EXOC6B: variants seen among roughly 807,000 people sequenced by gnomAD.
EXOC6B encodes the protein exocyst complex component 6B, also known as SEC15 homolog B.
A neutral mutation model predicts 113.5 loss-of-function variants in EXOC6B; 54 were observed. That is an observed-to-expected ratio of 0.48 (90% CI 0.38 to 0.60). The LOEUF (loss-of-function observed/expected upper bound fraction) is 0.60. EXOC6B is among the 20% of genes least tolerant of loss of function. The pLI, the probability that EXOC6B is intolerant of heterozygous loss-of-function variation, is 0.00. For missense variants in EXOC6B, 797 were observed against 977.5 expected (o/e 0.82, Z 2.46); for synonymous variants, 357 against 339.0 (o/e 1.05, Z -0.58).
At chr2:72,278,844 C>T (rs1013132230) in intron 20 of EXOC6B, among the ~76,000 whole-genome samples, 1 of 152,086 alleles carries the variant, frequency 6.6e-6, no homozygotes, top group Non-Finnish European at 1.5e-5. Flanking sequence ...AGAAATGTAT[C>T]GACTTTGCAA....
intron 6 of EXOC6B, among the ~76,000 whole-genome samples, chr2:72,685,081 A>C (rs1424691146): frequency 6.6e-6 from 1 of 152,190 alleles, no homozygotes; most frequent in Non-Finnish European, 1.5e-5. Context: ...TCACTTTAAA[A>C]TGCATAAATA....
In EXOC6B at chr2:72,177,205, A is replaced by C. The variant is rs1677785726; in HGVS notation, c.*2130T>G. On this transcript the variant is annotated 3_prime_UTR_variant, in exon 22 of 22. Transcript: ENST00000272427. ...TGTGCAGAATAACCCCTATTCCTCC[A>C]CCTTGTTCACTTTTTCCTGTATAGC... is the stretch of plus-strand genomic sequence containing the variant. The C allele has an allele frequency of 6.6e-6, 1 of 152,024 alleles. No individual in the cohort carries two copies. Among genetic ancestry groups the C allele is most frequent in the African/African-American group, 2.4e-5 (1 of 41,380 alleles). 9.4% of individuals were successfully genotyped at this position (152,024 alleles called of 1,614,324 possible). A position where few individuals can be genotyped will look rare whatever the true frequency, so the allele number is the denominator to read the frequency against.
In EXOC6B at chr2:72,512,387, GGAAGGA is replaced by G. The variant is rs1558748663; in HGVS notation, c.1167+739_1167+744del. ...AGGAAAGAAGGAAGGAAGGAAGGAA[GGAAGGA>G]AGGAAGGAAGGAAGGAAGGAAGGAA... On this transcript the variant is annotated intron_variant, in intron 11 of 21. Transcript: ENST00000272427. 2.4e-4 allele frequency among the ~76,000 whole-genome samples: 21 copies of G among 85,804 alleles called. 3 individuals carry two copies. Among genetic ancestry groups the G allele is most frequent in the African/African-American group, 9.3e-4 (21 of 22,626 alleles). The allele number at this position is 85,804 out of a possible 152,430, so 56.3% of individuals were successfully genotyped here.
intron 19 of EXOC6B, among the ~76,000 whole-genome samples, chr2:72,357,705 G>T (rs1572963514): frequency 6.6e-6 from 1 of 151,466 alleles, no homozygotes; most frequent in African/African-American, 2.4e-5. Context: ...AAAAAAAGAT[G>T]ATAATGGAAC....
chr2:72,407,160 A>G (rs577273178), intron 18 of EXOC6B, among the ~76,000 whole-genome samples: 55 of 152,298 alleles, frequency 3.6e-4, no homozygotes, highest in African/African-American at 1.2e-3. Flanking sequence ...CCAAGACTAA[A>G]CCAGGAAGAA....
intron 1 of EXOC6B, among the ~76,000 whole-genome samples, chr2:72,815,473 G>C (rs1394342319): frequency 6.7e-6 from 1 of 149,440 alleles, no homozygotes; most frequent in Admixed American, 6.7e-5. Context: ...CAGGACAAGA[G>C]AGGGAGAGAC....
At position 72,679,843 on chromosome 2, in the gene EXOC6B, G is replaced by A. The variant is rs530925606; in HGVS notation, c.669+38260C>T. Among the ~76,000 whole-genome samples, 23 of 152,322 alleles carry A rather than the reference G, an allele frequency of 1.5e-4. 2 individuals carry two copies. The highest frequency in any genetic ancestry group is 4.6e-4 in the African/African-American group (19 of 41,574). On this transcript the variant is annotated intron_variant, in intron 6 of 21. Transcript: ENST00000272427. ...GGTATTAGCAATGGTGACCAGTCAAGGGAAGGCTGCACGGATTAGAGGTTA... is the reference window on the plus strand; with the variant it reads ...GGTATTAGCAATGGTGACCAGTCAAAGGAAGGCTGCACGGATTAGAGGTTA...
intron 8 of EXOC6B, among the ~76,000 whole-genome samples, chr2:72,546,189 C>CT (rs1702889602): frequency 6.6e-6 from 1 of 152,222 alleles, no homozygotes; most frequent in South Asian, 2.1e-4. Context: ...TGGCTCTCAT[C>CT]TGTAATCCCA....
intron 1 of EXOC6B, among the ~76,000 whole-genome samples, chr2:72,807,394 A>G (rs1472958666): frequency 6.6e-6 from 1 of 152,136 alleles, no homozygotes; most frequent in Non-Finnish European, 1.5e-5. Flanking sequence ...CTGTTTTGGT[A>G]CCAGTACCAT....
chr2:72,718,082 T>C (rs1310163700), intron 6 of EXOC6B, 21 bp downstream of exon 6: 1 of 1,575,248 alleles, frequency 6.3e-7, no homozygotes, highest in Admixed American at 1.8e-5. Context: ...CTGGCCAACC[T>C]ATCATAAACC....
intron 20 of EXOC6B, among the ~76,000 whole-genome samples, chr2:72,270,803 T>G (rs1237230275): frequency 6.6e-6 from 1 of 152,144 alleles, no homozygotes; most frequent in African/African-American, 2.4e-5. Flanking sequence ...AAAATTATGA[T>G]GATCAGAAAA....
intron 17 of EXOC6B, among the ~76,000 whole-genome samples, chr2:72,477,566 C>A (rs1336555881): frequency 1.3e-5 from 2 of 152,176 alleles, no homozygotes; most frequent in Non-Finnish European, 1.5e-5. Flanking sequence ...ACATAAAAAC[C>A]AGTATCACAT....
chr2:72,372,486 A>G (rs552405418), intron 19 of EXOC6B, among the ~76,000 whole-genome samples: 1 of 152,328 alleles, frequency 6.6e-6, no homozygotes, highest in African/African-American at 2.4e-5. Context: ...GACCAATGGA[A>G]CAGAATAGAG....
At chr2:72,697,155 G>A (rs185425988) in intron 6 of EXOC6B, among the ~76,000 whole-genome samples, 17 of 151,026 alleles carry the variant, frequency 1.1e-4, no homozygotes, top group African/African-American at 3.7e-4. Context: ...TATAGATATG[G>A]GGTATACACA....
intron 20 of EXOC6B, among the ~76,000 whole-genome samples, chr2:72,224,450 G>A (rs2104440446): frequency 6.6e-6 from 1 of 151,822 alleles, no homozygotes; most frequent in Non-Finnish European, 1.5e-5. Context: ...CAATTCTCAG[G>A]AAAAAAATTT....
chr2:72,617,957 CTCTTAGTTGTTCAGTAAGACA>C (rs985378728), intron 6 of EXOC6B, among the ~76,000 whole-genome samples: 3 of 152,082 alleles, frequency 2.0e-5, no homozygotes, highest in Non-Finnish European at 4.4e-5. Flanking sequence ...CTATGATTGC[CTCTTAGTTGTTCAGTAAGACA>C]TCTTAGTTGT....
intron 13 of EXOC6B, among the ~76,000 whole-genome samples, chr2:72,496,833 A>G (rs1471721785): frequency 6.6e-6 from 1 of 151,958 alleles, no homozygotes; most frequent in Admixed American, 6.6e-5. Flanking sequence ...AGGAACTGAG[A>G]TTTACAAATA....
At chr2:72,361,888 G>A (rs2104986154) in intron 19 of EXOC6B, among the ~76,000 whole-genome samples, 1 of 152,212 alleles carries the variant, frequency 6.6e-6, no homozygotes, top group Middle Eastern at 3.4e-3. Context: ...AATTCTCCAG[G>A]GATGATGTGA....
intron 6 of EXOC6B, among the ~76,000 whole-genome samples, chr2:72,578,931 A>G (rs77557297): frequency 0.024 from 3,663 of 152,246 alleles, 151 homozygotes; most frequent in African/African-American, 0.083. Flanking sequence ...AGCAGTTTCA[A>G]TGTTAGAGAA....
Sources: allele counts gnomAD v4.1 joint callset (sites outside exome capture counted in the v4.1 genomes callset), GRCh38; gene constraint gnomAD v4.1.1; transcripts MANE v1.5; gene names NCBI Gene and HGNC (gene_info 2026-07-23, HGNC 2026-07-21).